The following IL4I1 variants were observed in gnomAD, a reference collection of about 807,000 sequenced individuals.
IL4I1 encodes the protein L-amino-acid oxidase.
A neutral mutation model predicts 29.7 loss-of-function variants in IL4I1; 24 were observed. That is an observed-to-expected ratio of 0.81 (90% CI 0.59 to 1.14). IL4I1 has a LOEUF of 1.14. Ranked by LOEUF, IL4I1 falls within the 50% of genes most tolerant of loss-of-function variation. The pLI is 0.00. For synonymous variants in IL4I1, 371 were observed against 352.5 expected (o/e 1.05, Z -0.59); for missense variants, 686 against 785.6 (o/e 0.87, Z 1.52).
chr19:49,918,855 C>T (rs978081184), intron 2 of IL4I1, among the ~76,000 whole-genome samples: 8 of 121,076 alleles, frequency 6.6e-5, no homozygotes, highest in Non-Finnish European at 6.4e-5. Flanking sequence ...CTAGGCCGGG[C>T]GCAGTGGCTC....
chr19:49,889,993 G>A lies in IL4I1; in HGVS notation c.1381C>T (p.Leu461Phe). Residue 461 changes from leucine (L) to phenylalanine (F), a missense_variant, in exon 8 of 8, where the codon CTC (leucine) becomes TTC (phenylalanine). Physicochemically the swap from Leu to Phe is conservative, Grantham distance 22 (BLOSUM62 0). Coordinates refer to ENST00000391826, the MANE Select transcript of IL4I1 (RefSeq NM_152899.2). ...QGGFVVQPPA[L>F]WQTEKDDWTV... The stretch of plus-strand genomic sequence containing the variant: ...CAGTCATCCTTTTCGGTTTGCCAGA[G>A]CGCCGGCGGCTGTACCACAAAGCCA... 6.4e-7 allele frequency: 1 copy of A among 1,559,382 alleles called. No homozygotes were observed. Among genetic ancestry groups the A allele is most frequent in the African/African-American group, 1.4e-5 (1 of 73,512 alleles).
chr19:49,901,789 G>T (rs2075274357), upstream of IL4I1: 4 of 1,150,476 alleles, frequency 3.5e-6, no homozygotes, highest in Non-Finnish European at 4.8e-6. Flanking sequence ...GAGATGCCAA[G>T]TTCCTGATAT....
intron 1 of IL4I1, 37 bp downstream of exon 1, chr19:49,896,798 T>C (rs1327667345): frequency 9.2e-6 from 9 of 981,824 alleles, no homozygotes; most frequent in Middle Eastern, 5.2e-4. Flanking sequence ...CTGTGGGTCC[T>C]GTCTCTCTGT....
At chr19:49,911,241 G>C (rs2075454385) in intron 2 of IL4I1, 1 of 152,250 alleles carries the variant, frequency 6.6e-6, no homozygotes, top group South Asian at 2.1e-4. Context: ...ACTGGAGAAG[G>C]GAAGAAAGCT....
chr19:49,896,924 C>G, upstream of IL4I1: 2 of 978,902 alleles, frequency 2.0e-6, no homozygotes, highest in Non-Finnish European at 2.4e-6. Flanking sequence ...CTTAAACTGG[C>G]AGAGCCCCGC....
At chr19:49,899,706 G>A (rs932372767), upstream of IL4I1, among the ~76,000 whole-genome samples, 2 of 152,002 alleles carry the variant, frequency 1.3e-5, no homozygotes, top group African/African-American at 2.4e-5. Flanking sequence ...ACAGGCACCT[G>A]CCACCACGTC....
chr19:49,890,500 G>T lies in IL4I1; in HGVS notation c.874C>A (p.Gln292Lys), dbSNP rs751295659. ...TGCACGTGCACATCGTGCGGTCCCT[G>T]GGTCATCGCCACCACGGGCGCGTTC... The part of the protein sequence containing the change: ...LLNAPVVAMT[Q>K]GPHDVHVQIE... Residue 292 changes from glutamine to lysine, a missense_variant, in exon 8 of 8, where the codon CAG (glutamine) becomes AAG (lysine). Transcript: ENST00000391826. 1.9e-6 allele frequency: 3 copies of T among 1,611,136 alleles called. No individual in the cohort carries two copies. Among genetic ancestry groups the T allele is most frequent in the East Asian group, 4.5e-5 (2 of 44,856 alleles).
chr19:49,903,226 T>C (rs1420955525), intron 3 of IL4I1, among the ~76,000 whole-genome samples: 6 of 152,306 alleles, frequency 3.9e-5, no homozygotes, highest in Admixed American at 3.9e-4. Flanking sequence ...ATCAGTTCTG[T>C]GGATTCAAGG....
intron 2 of IL4I1, among the ~76,000 whole-genome samples, chr19:49,926,364 T>C (rs931071381): frequency 1.3e-5 from 2 of 152,102 alleles, no homozygotes; most frequent in African/African-American, 2.4e-5. Flanking sequence ...ACCCCGTCTC[T>C]ACTAAAAATA....
At chr19:49,925,037 G>A (rs563082740) in intron 2 of IL4I1, among the ~76,000 whole-genome samples, 13 of 152,260 alleles carry the variant, frequency 8.5e-5, no homozygotes, top group African/African-American at 2.6e-4. Context: ...TGAGGCGGGT[G>A]GATCGCCTGA....
upstream of IL4I1, among the ~76,000 whole-genome samples, chr19:49,899,114 G>A: frequency 6.6e-6 from 1 of 152,234 alleles, no homozygotes; most frequent in Admixed American, 6.5e-5. Flanking sequence ...GGCAGTGCTG[G>A]CATTCCTCAC....
In IL4I1 at chr19:49,896,161, G is replaced by T. The variant is rs755899100; in HGVS notation, c.-1C>A. ...CTGCTTACTCACCCAATGGGGCCAT[G>T]ACTCTCGGTGGGAGATGGTGTCTGG... On this transcript the variant is annotated 5_prime_UTR_variant, in exon 2 of 8. Coordinates refer to ENST00000391826, the MANE Select transcript of IL4I1 (RefSeq NM_152899.2). 7 of 1,532,966 alleles carry T rather than the reference G, an allele frequency of 4.6e-6. No homozygotes were observed. Among genetic ancestry groups the T allele is most frequent in the African/African-American group, 4.1e-5 (3 of 72,854 alleles). 95.0% of individuals were successfully genotyped at this position (1,532,966 alleles called of 1,614,324 possible).
At chr19:49,898,465 C>T (rs1044740647), upstream of IL4I1, among the ~76,000 whole-genome samples, 1 of 152,222 alleles carries the variant, frequency 6.6e-6, no homozygotes, top group Non-Finnish European at 1.5e-5. Flanking sequence ...ATGGCGAAAC[C>T]CTTTCTCTAA....
chr19:49,908,908 G>A lies in IL4I1; in HGVS notation c.-227-4587C>T, dbSNP rs776860035. ...CAGCTGCTGTATTGCTGGGGATCCC[G>A]GCTGGCGCCAGTGGTTTTAAATTCA... On this transcript the variant is annotated intron_variant, in intron 2 of 9. Transcript: ENST00000341114. 2.6e-5 allele frequency: 42 copies of A among 1,607,786 alleles called. No individual in the cohort carries two copies. The highest frequency in any genetic ancestry group is 5.0e-5 in the Admixed American group (3 of 59,840).
At chr19:49,928,353 T>C (rs576302383) in intron 1 of IL4I1, 1 of 152,228 alleles carries the variant, frequency 6.6e-6, no homozygotes, top group East Asian at 1.9e-4. Context: ...CCGTCTCTAC[T>C]AAAAATACAA....
At chr19:49,918,926 GATCACCTGA>G (rs2075696910) in intron 2 of IL4I1, among the ~76,000 whole-genome samples, 1 of 149,138 alleles carries the variant, frequency 6.7e-6, no homozygotes, top group African/African-American at 2.5e-5. Context: ...TGGGGGGGCG[GATCACCTGA>G]GGTCGGGAGT....
At chr19:49,894,495 G>A (rs777592341) in intron 4 of IL4I1, 26 bp from the exon 5 acceptor site, 1 of 1,610,730 alleles carries the variant, frequency 6.2e-7, no homozygotes. Flanking sequence ...GGTGAGTGAG[G>A]GCCGGGCTCC....
chr19:49,891,219 C>T (rs2075134273), intron 6 of IL4I1, 112 bp from the exon 7 acceptor site: 3 of 1,486,538 alleles, frequency 2.0e-6, no homozygotes, highest in Non-Finnish European at 2.8e-6. Context: ...CCGTAGGATC[C>T]TGTCCCCACT....
upstream of IL4I1, among the ~76,000 whole-genome samples, chr19:49,899,477 C>T (rs1313271169): frequency 6.6e-6 from 1 of 152,004 alleles, no homozygotes; most frequent in East Asian, 1.9e-4. Context: ...CTCAACCTCC[C>T]GGGCTCAAGC....
Sources: allele counts gnomAD v4.1 joint callset (sites outside exome capture counted in the v4.1 genomes callset), GRCh38; gene constraint gnomAD v4.1.1; transcripts MANE v1.5; gene names NCBI Gene and HGNC (gene_info 2026-07-23, HGNC 2026-07-21).